The following NSD1 variants were observed in gnomAD, a reference collection of about 807,000 sequenced individuals.
The protein encoded by NSD1 is nuclear receptor binding SET domain protein 1.
NSD1 carries 26 observed loss-of-function variants against 242.7 expected under a neutral mutation model. The ratio of observed to expected loss-of-function variants is 0.11; its 90% CI spans 0.08 to 0.15. NSD1 has a LOEUF of 0.15. NSD1 is among the 10% of genes least tolerant of loss of function. The pLI is 1.00. For synonymous variants in NSD1, 1,106 were observed against 1,178.1 expected, an observed-to-expected ratio of 0.94 and a Z score of 1.25; for missense variants, 2,495 against 3,272.8, an observed-to-expected ratio of 0.76 and a Z score of 5.80.
chr5:177,199,377 C>T (rs1562190718), intron 3 of NSD1, among the ~76,000 whole-genome samples: 1 of 152,052 alleles, frequency 6.6e-6, no homozygotes, highest in Non-Finnish European at 1.5e-5. Flanking sequence ...CCTGCCTCAG[C>T]CCCCCAAGTA....
chr5:177,164,479 T>G (rs1759019144), intron 2 of NSD1, among the ~76,000 whole-genome samples: 1 of 152,126 alleles, frequency 6.6e-6, no homozygotes, highest in South Asian at 2.1e-4. Context: ...GTCTGTCTAG[T>G]ATGAGGATTT....
In NSD1 at chr5:177,211,497, C is replaced by T. The variant is rs373887807; in HGVS notation, c.3098C>T (p.Ala1033Val). 4 of 1,614,076 alleles carry T rather than the reference C, an allele frequency of 2.5e-6. No individual in the cohort carries two copies. The highest frequency in any genetic ancestry group is 2.5e-6 in the Non-Finnish European group (3 of 1,180,020). The change falls in exon 5 of 23, where the codon GCT becomes GTT. Residue 1033 changes from alanine to valine, a missense_variant. Ala to Val is a moderately conservative substitution (Grantham distance 64, BLOSUM62 0). This residue lies in a region of NSD1 where 426 missense variants were observed against 411.4 expected (regional missense o/e 1.04). Transcript: ENST00000439151. Reference sequence around the variant, plus strand: ...AAGCCTTCATCCAAATTGCGAGATGCTTTTTCAGCCCAAATGGTAAAGAAC... The same window carrying T: ...AAGCCTTCATCCAAATTGCGAGATGTTTTTTCAGCCCAAATGGTAAAGAAC... ...RSKPSSKLRD[A>V]FSAQMVKNTV...
At position 177,268,440 on chromosome 5, in the gene NSD1, G is replaced by A. The variant is rs373269861; in HGVS notation, c.5303+722G>A. 4.9e-3 allele frequency among the ~76,000 whole-genome samples: 745 copies of A among 151,660 alleles called. 7 individuals are homozygous for A. The highest frequency in any genetic ancestry group is 0.017 in the African/African-American group (703 of 41,340). On this transcript the variant is annotated intron_variant, in intron 15 of 22. Coordinates refer to ENST00000439151, the MANE Select transcript of NSD1 (RefSeq NM_022455.5). ...CATGTATACATATGTAACAAACCACGTTGTGCACATGTACCCTAAAACTTA... is the reference window on the plus strand; with the variant it reads ...CATGTATACATATGTAACAAACCACATTGTGCACATGTACCCTAAAACTTA...
chr5:177,264,656 C>G (rs1254847875), intron 14 of NSD1: 1 of 457,536 alleles, frequency 2.2e-6, no homozygotes, highest in Non-Finnish European at 4.0e-6. Context: ...CACCCCTGGC[C>G]CCAACAAAAA....
chr5:177,179,970 G>A (rs1760523150), intron 2 of NSD1, among the ~76,000 whole-genome samples: 1 of 151,788 alleles, frequency 6.6e-6, no homozygotes, highest in Admixed American at 6.6e-5. Context: ...GTGTGGTCTG[G>A]GCTGACTGCA....
Position 177,299,145 on chromosome 5 carries a change from T to C in NSD1, c.*3686T>C, listed in dbSNP as rs1490618121. The C allele has an allele frequency of 4.3e-6, 1 of 233,102 alleles. No individual in the cohort carries two copies. The highest frequency in any genetic ancestry group is 8.5e-6 in the Non-Finnish European group (1 of 118,014). 14.4% of individuals were successfully genotyped at this position (233,102 alleles called of 1,614,324 possible). A position where few individuals can be genotyped will look rare whatever the true frequency, so the allele number is the denominator to read the frequency against. On this transcript the variant is annotated 3_prime_UTR_variant, in exon 23 of 23. Coordinates refer to ENST00000439151, the MANE Select transcript of NSD1 (RefSeq NM_022455.5). ...GGGCCAGAGGCTGCTATAGTGTAAATTGAAATAAGAATAGATCATTGTTTT... is the reference window on the plus strand; with the variant it reads ...GGGCCAGAGGCTGCTATAGTGTAAACTGAAATAAGAATAGATCATTGTTTT...
At chr5:177,175,985 C>T (rs781011774) in intron 2 of NSD1, among the ~76,000 whole-genome samples, 7 of 150,210 alleles carry the variant, frequency 4.7e-5, no homozygotes, top group Non-Finnish European at 1.0e-4. Context: ...AAGTGATTCT[C>T]CTGCCTCAGT....
chr5:177,156,591 G>GAAT (rs1250259872), intron 2 of NSD1, among the ~76,000 whole-genome samples: 6 of 152,134 alleles, frequency 3.9e-5, no homozygotes, highest in African/African-American at 1.4e-4. Context: ...TGAGGCAAGT[G>GAAT]GATTGCTTGA....
In NSD1 at chr5:177,210,106, G is replaced by A. The variant is rs1450777388; in HGVS notation, c.1707G>A (p.Leu569=). The change falls in exon 5 of 23, where the codon CTG becomes CTA. Residue 569 remains leucine (L), a synonymous_variant. Coordinates refer to ENST00000439151, the MANE Select transcript of NSD1 (RefSeq NM_022455.5). The part of the protein sequence containing the change: ...TGSNTAPGSF[L]FSSCGKNTAK... ...CCAACACTGCCCCAGGAAGTTTTCT[G>A]TTTTCTTCCTGTGGAAAAAACACTG... The A allele has an allele frequency of 1.2e-6, 2 of 1,613,540 alleles. No homozygotes were observed. Among genetic ancestry groups the A allele is most frequent in the South Asian group, 2.2e-5 (2 of 90,954 alleles).
chr5:177,159,809 G>A (rs1021962980), intron 2 of NSD1, among the ~76,000 whole-genome samples: 9 of 147,830 alleles, frequency 6.1e-5, no homozygotes, highest in African/African-American at 2.3e-4. Flanking sequence ...GACTGGTCTC[G>A]AACTCCTGAC....
intron 2 of NSD1, among the ~76,000 whole-genome samples, chr5:177,178,100 G>C (rs1760356028): frequency 6.6e-6 from 1 of 151,864 alleles, no homozygotes; most frequent in African/African-American, 2.4e-5. Flanking sequence ...TCATCATGTT[G>C]GCCAGGCTGG....
At chr5:177,290,026 A>G (rs1267313333) in intron 21 of NSD1, among the ~76,000 whole-genome samples, 1 of 151,514 alleles carries the variant, frequency 6.6e-6, no homozygotes, top group Non-Finnish European at 1.5e-5. Flanking sequence ...ACAGGGTTTC[A>G]CTGTTGTTAG....
At chr5:177,288,775 A>G in intron 20 of NSD1, 44 bp from the exon 21 acceptor site, 4 of 1,346,444 alleles carry the variant, frequency 3.0e-6, no homozygotes, top group Non-Finnish European at 4.3e-6. Flanking sequence ...GAAATAATGT[A>G]ATTAAAACCA....
intron 5 of NSD1, among the ~76,000 whole-genome samples, chr5:177,224,178 A>G (rs1764455356): frequency 6.6e-6 from 1 of 152,168 alleles, no homozygotes; most frequent in African/African-American, 2.4e-5. Context: ...ATGTTAGAAC[A>G]AGGTTGTAAG....
In NSD1 at chr5:177,299,890, G is replaced by C. The variant is rs1283640470; in HGVS notation, c.*4431G>C. On this transcript the variant is annotated 3_prime_UTR_variant, in exon 23 of 23. Coordinates refer to ENST00000439151, the MANE Select transcript of NSD1 (RefSeq NM_022455.5). ...TCATCGAGGTGGGTGCTACCTGTGT[G>C]TGTGTAGATGAGTGTGCTGAAGGTG... 4.3e-6 allele frequency: 1 copy of C among 233,216 alleles called. No individual in the cohort carries two copies. Among genetic ancestry groups the C allele is most frequent in the Non-Finnish European group, 8.5e-6 (1 of 118,100 alleles). The allele number at this position is 233,216 out of a possible 1,614,324, so 14.4% of individuals were successfully genotyped here.
intron 12 of NSD1, 122 bp downstream of exon 12, chr5:177,251,975 A>G (rs1001718007): frequency 1.5e-5 from 19 of 1,236,666 alleles, no homozygotes; most frequent in Non-Finnish European, 2.1e-5. Context: ...AGATATAGAA[A>G]TGGTGCTGTG....
chr5:177,275,161 G>A (rs868451751), intron 17 of NSD1, among the ~76,000 whole-genome samples: 1 of 151,456 alleles, frequency 6.6e-6, no homozygotes, highest in Non-Finnish European at 1.5e-5. Flanking sequence ...AAAAACTTTC[G>A]TTGTTTGTCA....
rs1562098708 is a variant in NSD1, at chr5:177,135,680, T to C, written c.577T>C (p.Cys193Arg). ...IFEETQTNATCNYETKSENGV... is the reference protein window; with the variant it reads ...IFEETQTNATRNYETKSENGV... ...TGAGGAAACTCAGACCAATGCCACCTGCAATTATGAGACTAAATCAGAGAA... is the reference window on the plus strand; with the variant it reads ...TGAGGAAACTCAGACCAATGCCACCCGCAATTATGAGACTAAATCAGAGAA... Residue 193 changes from cysteine to arginine, a missense_variant, in exon 2 of 23, where the codon TGC (cysteine) becomes CGC (arginine). Physicochemically the swap from Cys to Arg is radical, Grantham distance 180 (BLOSUM62 -3). Coordinates refer to ENST00000439151, the MANE Select transcript of NSD1 (RefSeq NM_022455.5). The C allele has an allele frequency of 6.2e-7, 1 of 1,614,214 alleles. No individual in the cohort carries two copies. Among genetic ancestry groups the C allele is most frequent in the Non-Finnish European group, 8.5e-7 (1 of 1,180,036 alleles).
At chr5:177,209,066 G>C (rs953656220) in intron 4 of NSD1, among the ~76,000 whole-genome samples, 2 of 152,084 alleles carry the variant, frequency 1.3e-5, no homozygotes, top group Admixed American at 6.6e-5. Context: ...TATAAATGCA[G>C]GGAGGGTGGA....
Sources: allele counts gnomAD v4.1 joint callset (sites outside exome capture counted in the v4.1 genomes callset), GRCh38; gene constraint gnomAD v4.1.1; regional missense constraint gnomAD v4.1.1; transcripts MANE v1.5; gene names NCBI Gene and HGNC (gene_info 2026-07-23, HGNC 2026-07-21).